XKR4: variants seen among roughly 807,000 people sequenced by gnomAD.
XKR4 encodes the protein XK-related protein 4.
Under a neutral mutation model 53.9 loss-of-function variants are expected in XKR4, and 12 were observed. The ratio of observed to expected loss-of-function variants is 0.22; its 90% confidence interval spans 0.14 to 0.36. XKR4 has a LOEUF of 0.36. XKR4 is among the 10% of genes least tolerant of loss of function. The probability of loss-of-function intolerance (pLI) is 1.00; values close to 1 mark genes in which losing one functional copy is unlikely to be tolerated. For missense variants in XKR4, 799 were observed against 859.5 expected (o/e 0.93, Z 0.88); for synonymous variants, 354 against 362.4 (o/e 0.98, Z 0.26).
At chr8:55,106,824 T>C (rs1164175381) in intron 1 of XKR4, among the ~76,000 whole-genome samples, 1 of 152,170 alleles carries the variant, frequency 6.6e-6, no homozygotes, top group Non-Finnish European at 1.5e-5. Context: ...GTCTCCATCA[T>C]GAGAGTCATC....
At chr8:55,119,987 T>C (rs1206544108) in intron 1 of XKR4, among the ~76,000 whole-genome samples, 4 of 152,218 alleles carry the variant, frequency 2.6e-5, no homozygotes, top group African/African-American at 7.2e-5. Flanking sequence ...TAAAGCTTAA[T>C]ACAGTATAGT....
chr8:55,226,571 T>G (rs1303448314), intron 1 of XKR4, among the ~76,000 whole-genome samples: 1 of 152,200 alleles, frequency 6.6e-6, no homozygotes, highest in South Asian at 2.1e-4. Context: ...ACCCATTTTT[T>G]AGAAATCCCT....
chr8:55,370,416 C>T (rs1585542728), intron 2 of XKR4, among the ~76,000 whole-genome samples: 1 of 152,142 alleles, frequency 6.6e-6, no homozygotes, highest in Admixed American at 6.5e-5. Flanking sequence ...TTTATTGTAT[C>T]CACCTTCATA....
intron 2 of XKR4, among the ~76,000 whole-genome samples, chr8:55,397,095 T>C (rs1300239599): frequency 1.3e-5 from 2 of 152,224 alleles, no homozygotes; most frequent in East Asian, 3.8e-4. Flanking sequence ...CCTAATTCTA[T>C]GTCTGCACAA....
intron 1 of XKR4, among the ~76,000 whole-genome samples, chr8:55,323,624 G>A (rs1255462761): frequency 6.6e-6 from 1 of 152,154 alleles, no homozygotes; most frequent in African/African-American, 2.4e-5. Flanking sequence ...TTCCAGGTTT[G>A]GGTAATTTTG....
intron 1 of XKR4, among the ~76,000 whole-genome samples, chr8:55,166,812 G>A (rs1222950719): frequency 1.3e-5 from 2 of 152,180 alleles, no homozygotes; most frequent in Non-Finnish European, 2.9e-5. Flanking sequence ...AGGAGATAAG[G>A]ATGGGACCAA....
intron 1 of XKR4, among the ~76,000 whole-genome samples, chr8:55,162,404 C>T (rs1816997747): frequency 6.6e-6 from 1 of 152,204 alleles, no homozygotes; most frequent in African/African-American, 2.4e-5. Context: ...CTAAATGTTA[C>T]TATCTCCTGC....
At position 55,357,690 on chromosome 8, in the gene XKR4, A is replaced by C; in HGVS notation, c.819A>C (p.Thr273=). 1 of 1,614,208 alleles carries C rather than the reference A, an allele frequency of 6.2e-7. No individual in the cohort carries two copies. Among genetic ancestry groups the C allele is most frequent in the Non-Finnish European group, 8.5e-7 (1 of 1,180,014 alleles). The change falls in exon 2 of 3, where the codon ACA becomes ACC. Residue 273 remains threonine (T), a synonymous_variant. Coordinates refer to ENST00000327381, the MANE Select transcript of XKR4 (RefSeq NM_052898.2). ...GTTTTCTTTCTAGATATTTCCACAC[A>C]ATATACTTAGGTATTCGAAGCCGAC... ...QLGQIWRYFH[T]IYLGIRSRQS...
intron 2 of XKR4, chr8:55,449,984 A>G: frequency 1.2e-6 from 1 of 823,726 alleles, no homozygotes. Flanking sequence ...TCCTGCAGGT[A>G]CATACCCAGC....
chr8:55,183,007 T>C (rs1433265601), intron 1 of XKR4, among the ~76,000 whole-genome samples: 1 of 152,078 alleles, frequency 6.6e-6, no homozygotes, highest in Non-Finnish European at 1.5e-5. Context: ...CAGGAATTGA[T>C]TGATTTTATC....
chr8:55,159,168 A>G (rs1244723915), intron 1 of XKR4, among the ~76,000 whole-genome samples: 1 of 152,170 alleles, frequency 6.6e-6, no homozygotes, highest in Non-Finnish European at 1.5e-5. Flanking sequence ...AGTATTTTGT[A>G]TCTCCACAAT....
At chr8:55,192,852 C>G (rs997892538) in intron 1 of XKR4, among the ~76,000 whole-genome samples, 1 of 151,960 alleles carries the variant, frequency 6.6e-6, no homozygotes, top group Non-Finnish European at 1.5e-5. Context: ...TTTATGGGAG[C>G]GTTGTAGGGT....
chr8:55,255,578 TA>T (rs1818427185), intron 1 of XKR4, among the ~76,000 whole-genome samples: 1 of 152,168 alleles, frequency 6.6e-6, no homozygotes, highest in South Asian at 2.1e-4. Context: ...AGGGTATGCT[TA>T]GTGTATAAAT....
chr8:55,309,854 G>T (rs1309183662), intron 1 of XKR4, among the ~76,000 whole-genome samples: 1 of 152,302 alleles, frequency 6.6e-6, no homozygotes, highest in East Asian at 1.9e-4. Flanking sequence ...TAGGGACAAA[G>T]CTATCTAATT....
chr8:55,135,894 T>C (rs1816621445), intron 1 of XKR4, among the ~76,000 whole-genome samples: 2 of 35,938 alleles, frequency 5.6e-5, no homozygotes, highest in African/African-American at 1.2e-4. Flanking sequence ...GCTCACTTTT[T>C]TTTTTTTTTT....
chr8:55,229,633 G>T (rs1442774281), intron 1 of XKR4, among the ~76,000 whole-genome samples: 1 of 152,180 alleles, frequency 6.6e-6, no homozygotes, highest in Non-Finnish European at 1.5e-5. Flanking sequence ...ACTTTCACTT[G>T]TCTCCTTCAC....
chr8:55,230,933 C>T (rs1818031519), intron 1 of XKR4, among the ~76,000 whole-genome samples: 1 of 152,068 alleles, frequency 6.6e-6, no homozygotes, highest in Non-Finnish European at 1.5e-5. Context: ...TCCTTCCACA[C>T]TCATCTCTCC....
chr8:55,202,246 T>C (rs1301723249), intron 1 of XKR4, among the ~76,000 whole-genome samples: 1 of 152,204 alleles, frequency 6.6e-6, no homozygotes. Context: ...GGGTTCGATA[T>C]GTCATTACAG....
At chr8:55,138,899 A>C (rs1182662838) in intron 1 of XKR4, among the ~76,000 whole-genome samples, 1 of 152,220 alleles carries the variant, frequency 6.6e-6, no homozygotes, top group African/African-American at 2.4e-5. Flanking sequence ...AGAGAAGATA[A>C]CTGTCTAATT....
Sources: gnomAD v4.1 joint callset for allele counts (sites outside exome capture counted in the v4.1 genomes callset) on GRCh38, gnomAD v4.1.1 for gene constraint, MANE v1.5 for transcripts, NCBI Gene and HGNC (gene_info 2026-07-23, HGNC 2026-07-21) for gene names.